The following UFL1 variants were observed in gnomAD, a reference collection of about 807,000 sequenced individuals.
The protein encoded by UFL1 is UFM1 specific ligase 1.
A neutral mutation model predicts 99.3 loss-of-function variants in UFL1; 78 were observed. The observed-to-expected ratio is 0.79, with a 90% CI of 0.65 to 0.95. UFL1 has a LOEUF of 0.95. UFL1 is among the 40% of genes least tolerant of loss of function. The pLI is 0.00. For missense variants in UFL1, 936 were observed against 937.0 expected, an observed-to-expected ratio of 1.00 and a Z score of 0.01; for synonymous variants, 335 against 322.2, an observed-to-expected ratio of 1.04 and a Z score of -0.42.
intron 12 of UFL1, among the ~76,000 whole-genome samples, chr6:96,544,089 C>T (rs1380282059): frequency 1.3e-5 from 2 of 150,886 alleles, no homozygotes; most frequent in East Asian, 3.9e-4. Context: ...TATGGTCTTC[C>T]ACTGCCATGC....
intron 15 of UFL1, among the ~76,000 whole-genome samples, chr6:96,550,572 T>G (rs942040824): frequency 6.6e-6 from 1 of 151,984 alleles, no homozygotes; most frequent in African/African-American, 2.4e-5. Context: ...TTCCCTGGAA[T>G]GTTGTTTAGT....
chr6:96,551,737 A>G, intron 16 of UFL1, 101 bp from the exon 17 acceptor site: 1 of 867,144 alleles, frequency 1.2e-6, no homozygotes, highest in Non-Finnish European at 1.8e-6. Context: ...CCTTTTAAAA[A>G]TTGTATTTGG....
At chr6:96,526,259 T>C in intron 4 of UFL1, 62 bp from the exon 5 acceptor site, 4 of 1,401,844 alleles carry the variant, frequency 2.9e-6, no homozygotes, top group Non-Finnish European at 4.0e-6. Context: ...AAACATAAAA[T>C]GAGGAAACAG....
At chr6:96,532,675 C>G (rs1333387501) in intron 6 of UFL1, among the ~76,000 whole-genome samples, 3 of 152,190 alleles carry the variant, frequency 2.0e-5, no homozygotes, top group Non-Finnish European at 4.4e-5. Context: ...CATGTCTTCT[C>G]CTTTTCCACT....
intron 8 of UFL1, among the ~76,000 whole-genome samples, 180 bp from the exon 9 acceptor site, chr6:96,537,194 T>C (rs1014306063): frequency 6.6e-6 from 1 of 151,844 alleles, no homozygotes; most frequent in African/African-American, 2.4e-5. Flanking sequence ...ATTATAATCA[T>C]GGATTAGAAC....
At chr6:96,541,019 C>G (rs773621773) in intron 11 of UFL1, among the ~76,000 whole-genome samples, 1 of 151,312 alleles carries the variant, frequency 6.6e-6, no homozygotes, top group African/African-American at 2.4e-5. Context: ...CCAACTGTTC[C>G]TTTTACCTGG....
chr6:96,526,207 C>T (rs1265441660), intron 4 of UFL1, 114 bp from the exon 5 acceptor site: 17 of 758,622 alleles, frequency 2.2e-5, no homozygotes, highest in Non-Finnish European at 2.8e-5. Flanking sequence ...TGTACACACA[C>T]ATTTCATTAC....
At position 96,523,235 on chromosome 6, in the gene UFL1, A is replaced by G. The variant is rs1213297829; in HGVS notation, c.167A>G (p.Tyr56Cys). 1.2e-6 allele frequency: 2 copies of G among 1,613,078 alleles called. No individual in the cohort carries two copies. The highest frequency in any genetic ancestry group is 1.3e-5 in the African/African-American group (1 of 74,966). The change falls in exon 2 of 19, where the codon TAT (tyrosine) becomes TGT (cysteine). Residue 56 changes from tyrosine (Y) to cysteine (C), a missense_variant. Physicochemically the swap from Tyr to Cys is radical, Grantham distance 194. Coordinates refer to ENST00000369278, the MANE Select transcript of UFL1 (RefSeq NM_015323.5). ...GTTCATACACTCGATGGAAAGGAAT[A>G]TATTACTCCAGCCCAAATTAGTAAA... ...EVVHTLDGKEYITPAQISKEM... is the reference protein window; with the variant it reads ...EVVHTLDGKECITPAQISKEM...
chr6:96,548,941 G>A (rs930792248), intron 13 of UFL1, among the ~76,000 whole-genome samples: 1 of 151,414 alleles, frequency 6.6e-6, no homozygotes, highest in Admixed American at 6.6e-5. Flanking sequence ...TATTTTTTGT[G>A]CATAAATGTA....
chr6:96,521,944 C>T lies in UFL1; in HGVS notation c.71C>T (p.Thr24Met), dbSNP rs768536494. 1.2e-6 allele frequency: 2 copies of T among 1,611,746 alleles called. No homozygotes were observed. Among genetic ancestry groups the T allele is most frequent in the Non-Finnish European group, 1.7e-6 (2 of 1,179,184 alleles). ...DFQRAQFAEA[T>M]QRLSERNCIE... ...CAGCGGGCGCAGTTCGCCGAGGCCA[C>T]GCAGAGGTGCCCGACCCTCCCTCTC... is the stretch of plus-strand genomic sequence containing the variant. Residue 24 changes from threonine to methionine, a missense_variant, in exon 1 of 19, where the codon ACG (threonine) becomes ATG (methionine). Thr to Met is a moderately conservative substitution (Grantham distance 81, BLOSUM62 -1). Transcript: ENST00000369278.
chr6:96,528,651 A>ACC lies in UFL1; in HGVS notation c.596+19_596+20insCC. ...TTACCCGGTAAGTATATTTTAAAGT[A>ACC]TATATATTTGCACATTTCTTTGATC... On this transcript the variant is annotated intron_variant, in intron 6 of 18. Transcript: ENST00000369278. 1 of 1,582,954 alleles carries ACC rather than the reference A, an allele frequency of 6.3e-7. No individual in the cohort carries two copies. Among genetic ancestry groups the ACC allele is most frequent in the Non-Finnish European group, 8.6e-7 (1 of 1,164,950 alleles).
intron 6 of UFL1, among the ~76,000 whole-genome samples, chr6:96,531,742 CTAAT>C (rs1359417163): frequency 6.6e-6 from 1 of 152,064 alleles, no homozygotes; most frequent in Non-Finnish European, 1.5e-5. Context: ...TTTTCTTTGA[CTAAT>C]TATTGTGGTG....
At chr6:96,524,475 C>A in intron 3 of UFL1, 65 bp downstream of exon 3, 2 of 1,239,746 alleles carry the variant, frequency 1.6e-6, no homozygotes, top group Non-Finnish European at 2.3e-6. Context: ...TGAATTTGTT[C>A]AAGTATTCAC....
At chr6:96,524,532 T>A in intron 3 of UFL1, 122 bp downstream of exon 3, 2 of 654,298 alleles carry the variant, frequency 3.1e-6, no homozygotes, top group Middle Eastern at 4.2e-4. Flanking sequence ...GAAATAGTTA[T>A]ATAAGCCTCG....
chr6:96,544,429 TAGA>T (rs1411641562), intron 12 of UFL1, among the ~76,000 whole-genome samples: 1 of 150,988 alleles, frequency 6.6e-6, no homozygotes. Context: ...TAAATGATAA[TAGA>T]TTGAGATTTA....
chr6:96,526,712 T>A (rs1490254803), intron 5 of UFL1, among the ~76,000 whole-genome samples: 3 of 152,194 alleles, frequency 2.0e-5, no homozygotes, highest in Non-Finnish European at 1.5e-5. Context: ...TTTGATGCAA[T>A]TAGCAAATGT....
intron 4 of UFL1, 118 bp from the exon 5 acceptor site, chr6:96,526,199 TACAC>T (rs1769699935): frequency 1.4e-6 from 1 of 707,098 alleles, no homozygotes; most frequent in East Asian, 2.7e-5. Flanking sequence ...GGTGTTCATG[TACAC>T]ACACATTTCA....
intron 15 of UFL1, 125 bp from the exon 16 acceptor site, chr6:96,551,308 G>T: frequency 1.7e-6 from 1 of 584,826 alleles, no homozygotes; most frequent in African/African-American, 2.0e-5. Flanking sequence ...TCTAATTTGA[G>T]ATCTAAAATT....
chr6:96,552,338 T>C, intron 17 of UFL1, 144 bp from the exon 18 acceptor site: 1 of 814,704 alleles, frequency 1.2e-6, no homozygotes, highest in Non-Finnish European at 1.8e-6. Context: ...TATGTGTGTA[T>C]ATCCCATATT....
Sources: gnomAD v4.1 joint callset for allele counts (sites outside exome capture counted in the v4.1 genomes callset) on GRCh38, gnomAD v4.1.1 for gene constraint, MANE v1.5 for transcripts, NCBI Gene and HGNC (gene_info 2026-07-23, HGNC 2026-07-21) for gene names.